Variants in GRM8 observed in about 807,000 individuals in gnomAD.
GRM8 encodes the protein metabotropic glutamate receptor 8.
A neutral mutation model predicts 87.2 loss-of-function variants in GRM8; 47 were observed. The observed-to-expected ratio is 0.54, with a 90% confidence interval of 0.43 to 0.69. The LOEUF is 0.69. Among genes scored for constraint, GRM8 ranks in the 30% least tolerant of loss-of-function variants. GRM8 has a pLI of 0.00. For missense variants in GRM8, 1,019 were observed against 1,139.2 expected (o/e 0.89, Z 1.52); for synonymous variants, 396 against 404.5 (o/e 0.98, Z 0.25).
intron 3 of GRM8, among the ~76,000 whole-genome samples, chr7:126,921,431 T>C (rs1014973184): frequency 6.6e-6 from 1 of 152,046 alleles, no homozygotes; most frequent in Non-Finnish European, 1.5e-5. Flanking sequence ...AAAGAAAAAT[T>C]TAAGAATATT....
chr7:126,458,122 G>C (rs1803469066), intron 9 of GRM8, among the ~76,000 whole-genome samples: 1 of 149,262 alleles, frequency 6.7e-6, no homozygotes, highest in Non-Finnish European at 1.5e-5. Context: ...AAAAAAATGA[G>C]AGAAAACTTG....
At chr7:126,558,424 C>T (rs1420059925) in intron 8 of GRM8, among the ~76,000 whole-genome samples, 1 of 152,118 alleles carries the variant, frequency 6.6e-6, no homozygotes, top group African/African-American at 2.4e-5. Flanking sequence ...TGTCCTCAAT[C>T]TAGGTAGCTT....
chr7:127,212,809 A>G (rs1563582434), intron 2 of GRM8, among the ~76,000 whole-genome samples: 1 of 152,230 alleles, frequency 6.6e-6, no homozygotes, highest in Non-Finnish European at 1.5e-5. Context: ...TAGCCAAAGA[A>G]AGGAAAACCA....
rs78345232 is a variant in GRM8, at chr7:126,503,271, T to C, written c.2430+29681A>G. Among the ~76,000 whole-genome samples the C allele has an allele frequency of 3.0e-3, 457 of 152,168 alleles. 3 individuals carry two copies. The highest frequency in any genetic ancestry group is 0.01 in the African/African-American group (434 of 41,564). ...AGGGACAAGATGGAGAAGGCAGTCATGCCAGAGTACACAAATATAAGATGA... is the reference window on the plus strand; with the variant it reads ...AGGGACAAGATGGAGAAGGCAGTCACGCCAGAGTACACAAATATAAGATGA... On this transcript the variant is annotated intron_variant, in intron 9 of 10. Coordinates refer to ENST00000339582, the MANE Select transcript of GRM8 (RefSeq NM_000845.3).
chr7:127,064,433 A>T (rs551485466), intron 3 of GRM8, among the ~76,000 whole-genome samples: 1 of 151,820 alleles, frequency 6.6e-6, no homozygotes, highest in African/African-American at 2.4e-5. Flanking sequence ...TGAAATTGGG[A>T]TTACAACTCC....
chr7:126,644,119 T>C (rs1352500640), intron 7 of GRM8, among the ~76,000 whole-genome samples: 1 of 152,226 alleles, frequency 6.6e-6, no homozygotes, highest in Non-Finnish European at 1.5e-5. Context: ...CTTGGATCTA[T>C]GTTGTGATTC....
Position 126,786,999 on chromosome 7 carries a change from T to A in GRM8, c.1157-16934A>T, listed in dbSNP as rs957290373. Among the ~76,000 whole-genome samples the A allele has an allele frequency of 9.2e-5, 14 of 152,234 alleles. No individual in the cohort carries two copies. The South Asian group carries it at 2.3e-3, about 25-fold the overall frequency. On this transcript the variant is annotated intron_variant, in intron 6 of 10. Transcript: ENST00000339582. ...GGCTCTTTTCTGCACCCATGTGTAG[T>A]ACACATCTAACCTAGTAATGAGGGA...
chr7:126,534,026 C>T (rs1005442237), intron 8 of GRM8, 139 bp from the exon 9 acceptor site: 3 of 649,384 alleles, frequency 4.6e-6, no homozygotes, highest in Non-Finnish European at 7.8e-6. Context: ...CGTTTTTTTT[C>T]CCCTGATATT....
At chr7:126,743,350 G>A (rs1563143877) in intron 7 of GRM8, among the ~76,000 whole-genome samples, 1 of 152,038 alleles carries the variant, frequency 6.6e-6, no homozygotes, top group African/African-American at 2.4e-5. Context: ...GACATATAAG[G>A]TAATGTCTCA....
At chr7:126,958,071 G>C (rs1054307214) in intron 3 of GRM8, among the ~76,000 whole-genome samples, 1 of 152,074 alleles carries the variant, frequency 6.6e-6, no homozygotes, top group Non-Finnish European at 1.5e-5. Flanking sequence ...CGGGTCTCAG[G>C]GGTCTCCTCA....
At chr7:126,506,769 A>G (rs574604433) in intron 9 of GRM8, among the ~76,000 whole-genome samples, 1 of 151,350 alleles carries the variant, frequency 6.6e-6, no homozygotes, top group African/African-American at 2.4e-5. Context: ...ACAGAGTAAG[A>G]CTCTGTCTCA....
At chr7:126,996,136 G>A (rs1420009793) in intron 3 of GRM8, among the ~76,000 whole-genome samples, 1 of 151,978 alleles carries the variant, frequency 6.6e-6, no homozygotes, top group Non-Finnish European at 1.5e-5. Context: ...GAGAAATAAA[G>A]ACTTTCCTAG....
chr7:126,543,769 T>C lies in GRM8; in HGVS notation c.1495-9882A>G, dbSNP rs151063374. On this transcript the variant is annotated intron_variant, in intron 8 of 10. Coordinates refer to ENST00000339582, the MANE Select transcript of GRM8 (RefSeq NM_000845.3). ...CATGATGAAAAATACAAAGAGAAGA[T>C]GGCACAAATGGATCACTGGAAAGAG... Among the ~76,000 whole-genome samples the C allele has an allele frequency of 6.2e-4, 94 of 152,124 alleles. 1 individual carries two copies. Among genetic ancestry groups the C allele is most frequent in the African/African-American group, 2.0e-3 (81 of 41,486 alleles).
chr7:126,677,393 C>G (rs888805839), intron 7 of GRM8, among the ~76,000 whole-genome samples: 1 of 149,366 alleles, frequency 6.7e-6, no homozygotes, highest in Non-Finnish European at 1.5e-5. Flanking sequence ...CAAAAAGACA[C>G]CTGCACGCAT....
rs712723 is a variant in GRM8 at position 126,439,090 on chromosome 7, A to G, written c.*29T>C. Reference sequence around the variant, plus strand: ...TTCATCATTTAAGATCATATACCACATCTCTTCAGATTGTGCCATTTCCCT... The same window carrying G: ...TTCATCATTTAAGATCATATACCACGTCTCTTCAGATTGTGCCATTTCCCT... On this transcript the variant is annotated 3_prime_UTR_variant, in exon 11 of 11. Transcript: ENST00000339582. 0.4 allele frequency: 554,004 copies of G among 1,369,118 alleles called. 113,545 individuals carry two copies. Among genetic ancestry groups the G allele is most frequent in the Middle Eastern group, 0.53 (2,910 of 5,540 alleles). The allele number at this position is 1,369,118 out of a possible 1,614,324, so 84.8% of individuals were successfully genotyped here.
intron 7 of GRM8, among the ~76,000 whole-genome samples, chr7:126,728,399 G>C (rs1813241216): frequency 6.6e-6 from 1 of 152,086 alleles, no homozygotes; most frequent in South Asian, 2.1e-4. Flanking sequence ...AGCGGGAGTA[G>C]AAGAAAAGAT....
intron 6 of GRM8, among the ~76,000 whole-genome samples, chr7:126,850,448 G>A (rs1217158495): frequency 1.3e-5 from 2 of 152,198 alleles, no homozygotes; most frequent in African/African-American, 2.4e-5. Flanking sequence ...AGTTGAGAAA[G>A]TTGGGTTTAT....
chr7:127,212,400 A>G (rs1468031732), intron 2 of GRM8, among the ~76,000 whole-genome samples: 1 of 147,680 alleles, frequency 6.8e-6, no homozygotes, highest in Non-Finnish European at 1.5e-5. Context: ...GCACACTAGG[A>G]CATGGTGTTA....
At chr7:127,061,450 T>C (rs1820586697) in intron 3 of GRM8, among the ~76,000 whole-genome samples, 1 of 152,240 alleles carries the variant, frequency 6.6e-6, no homozygotes, top group South Asian at 2.1e-4. Context: ...AGTGTCTCTA[T>C]GAACTGGGCA....
Sources: allele counts gnomAD v4.1 joint callset (sites outside exome capture counted in the v4.1 genomes callset), GRCh38; gene constraint gnomAD v4.1.1; transcripts MANE v1.5; gene names NCBI Gene and HGNC (gene_info 2026-07-23, HGNC 2026-07-21).